SKAP1: variants seen among roughly 807,000 people sequenced by gnomAD.
The protein encoded by SKAP1 is src kinase associated phosphoprotein 1.
A neutral mutation model predicts 58.5 loss-of-function variants in SKAP1; 44 were observed. The observed-to-expected ratio is 0.75, with a 90% CI of 0.59 to 0.97. The LOEUF is 0.97. SKAP1 is among the 50% of genes least tolerant of loss of function. SKAP1 has a pLI of 0.00. For synonymous variants in SKAP1, 127 were observed against 149.7 expected, an observed-to-expected ratio of 0.85 and a Z score of 1.11; for missense variants, 390 against 435.2, an observed-to-expected ratio of 0.90 and a Z score of 0.92.
At chr17:48,150,868 T>C (rs1202340379) in intron 11 of SKAP1, among the ~76,000 whole-genome samples, 3 of 152,228 alleles carry the variant, frequency 2.0e-5, no homozygotes, top group East Asian at 1.9e-4. Flanking sequence ...CCTACCCTCC[T>C]GGAATCCACG....
At chr17:48,267,944 T>C (rs1191521582) in intron 4 of SKAP1, among the ~76,000 whole-genome samples, 2 of 152,208 alleles carry the variant, frequency 1.3e-5, no homozygotes, top group Admixed American at 1.3e-4. Context: ...GTTTGTATTA[T>C]GCCCATTTTA....
At position 48,184,867 on chromosome 17, in the gene SKAP1, C is replaced by T; in HGVS notation, c.443-20G>A. ...GCTTGCCTGCAAGACAGGAAAGCTCCCTGTATCCCTAGAGAGATGCAACTG... is the reference window on the plus strand; with the variant it reads ...GCTTGCCTGCAAGACAGGAAAGCTCTCTGTATCCCTAGAGAGATGCAACTG... On this transcript the variant is annotated intron_variant, in intron 6 of 12. Coordinates refer to ENST00000336915, the MANE Select transcript of SKAP1 (RefSeq NM_003726.4). 6.2e-7 allele frequency: 1 copy of T among 1,611,218 alleles called. No individual in the cohort carries two copies. The highest frequency in any genetic ancestry group is 1.1e-5 in the South Asian group (1 of 90,820).
At chr17:48,154,000 A>G (rs1387151999) in intron 11 of SKAP1, among the ~76,000 whole-genome samples, 1 of 152,194 alleles carries the variant, frequency 6.6e-6, no homozygotes, top group Non-Finnish European at 1.5e-5. Context: ...AAGCACACTT[A>G]AAAGAGGAAG....
intron 4 of SKAP1, among the ~76,000 whole-genome samples, chr17:48,342,964 G>A (rs112875011): frequency 0.058 from 8,852 of 152,152 alleles, 371 homozygotes; most frequent in East Asian, 0.19. Context: ...TAGCCTGGGT[G>A]ACAGAGCGAA....
chr17:48,439,223 T>G, the SKAP1 span, among the ~76,000 whole-genome samples: 1 of 152,258 alleles, frequency 6.6e-6, no homozygotes, highest in African/African-American at 2.4e-5. Context: ...TTGAGTAATA[T>G]GTGATATTTT....
intron 4 of SKAP1, among the ~76,000 whole-genome samples, chr17:48,327,527 C>T (rs1415257781): frequency 6.6e-6 from 1 of 152,150 alleles, no homozygotes; most frequent in Non-Finnish European, 1.5e-5. Context: ...CTACATGTTG[C>T]CCTTCATCCC....
rs1338506707 is a variant in SKAP1 at position 48,335,019 on chromosome 17, TCTCA to T, written c.280+10882_280+10885del. ...TAATTAATATTTGATCATTGTATAT[TCTCA>T]CTCACTTCACCTGCGACTGACCCCT... On this transcript the variant is annotated intron_variant, in intron 4 of 12. Transcript: ENST00000336915. Among the ~76,000 whole-genome samples the T allele has an allele frequency of 2.6e-5, 4 of 151,870 alleles. No individual in the cohort carries two copies. The South Asian group carries it at 6.2e-4, about 24-fold the overall frequency.
intron 4 of SKAP1, among the ~76,000 whole-genome samples, chr17:48,239,723 T>C (rs1315880053): frequency 1.3e-5 from 2 of 152,054 alleles, no homozygotes; most frequent in Admixed American, 1.3e-4. Flanking sequence ...TGAATCCTAC[T>C]CACTGGTGAC....
chr17:48,200,868 T>C (rs1194198915), intron 4 of SKAP1, among the ~76,000 whole-genome samples: 1 of 152,190 alleles, frequency 6.6e-6, no homozygotes, highest in Non-Finnish European at 1.5e-5. Flanking sequence ...TATACTTGTT[T>C]CTCTTTTTAT....
At chr17:48,445,042 G>A in the SKAP1 span, among the ~76,000 whole-genome samples, 1 of 152,134 alleles carries the variant, frequency 6.6e-6, no homozygotes, top group Non-Finnish European at 1.5e-5. Context: ...AGCAGCGAGC[G>A]AGACCGACAG....
chr17:48,380,290 C>T (rs2067199011), intron 2 of SKAP1: 1 of 152,216 alleles, frequency 6.6e-6, no homozygotes, highest in African/African-American at 2.4e-5. Flanking sequence ...CACAGAGCAG[C>T]ATATGAACAT....
chr17:48,373,258 G>T (rs546811447), intron 2 of SKAP1, among the ~76,000 whole-genome samples: 2 of 152,172 alleles, frequency 1.3e-5, no homozygotes, highest in Non-Finnish European at 2.9e-5. Context: ...CATGAGAGAA[G>T]TGGGAAGCAC....
chr17:48,245,327 A>G (rs550858765), intron 4 of SKAP1, among the ~76,000 whole-genome samples: 1 of 152,324 alleles, frequency 6.6e-6, no homozygotes, highest in South Asian at 2.1e-4. Flanking sequence ...CATCATTTTA[A>G]GGAACACATT....
At chr17:48,292,287 T>C (rs2065908260) in intron 4 of SKAP1, among the ~76,000 whole-genome samples, 1 of 152,134 alleles carries the variant, frequency 6.6e-6, no homozygotes, top group Non-Finnish European at 1.5e-5. Context: ...TTGTCATTGG[T>C]CAATCGTTTA....
chr17:48,162,373 G>A, intron 11 of SKAP1, 96 bp downstream of exon 11: 1 of 656,986 alleles, frequency 1.5e-6, no homozygotes, highest in Non-Finnish European at 2.6e-6. Flanking sequence ...AGGGAGCCAT[G>A]GGAAGTGTAT....
chr17:48,297,416 C>A (rs961030456), intron 4 of SKAP1, among the ~76,000 whole-genome samples: 1 of 152,094 alleles, frequency 6.6e-6, no homozygotes, highest in African/African-American at 2.4e-5. Flanking sequence ...ATATAAATGA[C>A]CTTATAACCT....
At chr17:48,314,697 CTAAAAGGCAGGTAAAATCT>C (rs997960405) in intron 4 of SKAP1, among the ~76,000 whole-genome samples, 1 of 152,074 alleles carries the variant, frequency 6.6e-6, no homozygotes, top group Non-Finnish European at 1.5e-5. Flanking sequence ...TAGGTAGTTT[CTAAAAGGCAGGTAAAATCT>C]GCTATGTTCC....
At chr17:48,217,837 A>G (rs2064958726) in intron 4 of SKAP1, among the ~76,000 whole-genome samples, 1 of 152,198 alleles carries the variant, frequency 6.6e-6, no homozygotes, top group Non-Finnish European at 1.5e-5. Flanking sequence ...GTGCTGACTG[A>G]CTGGGAAGCT....
At chr17:48,158,785 C>T (rs1472972545) in intron 11 of SKAP1, among the ~76,000 whole-genome samples, 6 of 150,964 alleles carry the variant, frequency 4.0e-5, no homozygotes, top group African/African-American at 1.2e-4. Flanking sequence ...ACGGTGAAAC[C>T]GCGTCTCTAC....
Sources: allele counts gnomAD v4.1 joint callset (sites outside exome capture counted in the v4.1 genomes callset), GRCh38; gene constraint gnomAD v4.1.1; transcripts MANE v1.5; gene names NCBI Gene and HGNC (gene_info 2026-07-23, HGNC 2026-07-21).